Variants in SLC30A10 observed in about 807,000 individuals in gnomAD.
SLC30A10 encodes the protein solute carrier family 30 member 10.
A neutral mutation model predicts 21.7 loss-of-function variants in SLC30A10; 8 were observed. The ratio of observed to expected loss-of-function variants is 0.37; its 90% CI spans 0.22 to 0.67. The LOEUF is 0.67. Among genes scored for constraint, SLC30A10 ranks in the 30% least tolerant of loss-of-function variants. The pLI, the probability that SLC30A10 is intolerant of heterozygous loss-of-function variation, is 0.58. For missense variants in SLC30A10, 521 were observed against 642.5 expected, an observed-to-expected ratio of 0.81 and a Z score of 2.04; for synonymous variants, 272 against 279.4, an observed-to-expected ratio of 0.97 and a Z score of 0.26.
At position 219,918,377 on chromosome 1, in the gene SLC30A10, A is replaced by AT. The variant is rs1659596631; in HGVS notation, c.835dup (p.Ile279AsnfsTer2). Reference sequence around the variant, plus strand: ...CATGAGGACAGTCAGGCTGGGGTCAATGTAACACTGCCAGTTACACGGGTC... The same window carrying AT: ...CATGAGGACAGTCAGGCTGGGGTCAATTGTAACACTGCCAGTTACACGGGTC... On this transcript the variant is annotated frameshift_variant, in exon 3 of 4. Coordinates refer to ENST00000366926, the MANE Select transcript of SLC30A10 (RefSeq NM_018713.3). LOFTEE classifies it high-confidence loss of function. The surrounding 1 kb of genome is among the most constrained non-coding windows in gnomAD (Gnocchi z 4.4). The AT allele has an allele frequency of 6.2e-7, 1 of 1,614,040 alleles. No homozygotes were observed. The highest frequency in any genetic ancestry group is 1.3e-5 in the African/African-American group (1 of 74,920).
intron 2 of SLC30A10, among the ~76,000 whole-genome samples, chr1:219,922,170 G>GTC (rs1659701993): frequency 1.0e-4 from 3 of 29,268 alleles, no homozygotes; most frequent in Non-Finnish European, 1.1e-4. Flanking sequence ...GTGTGTGTGT[G>GTC]TGTGTGTTTT....
At chr1:219,929,992 G>A (rs1167470162), upstream of SLC30A10, among the ~76,000 whole-genome samples, 2 of 152,100 alleles carry the variant, frequency 1.3e-5, no homozygotes, top group Non-Finnish European at 2.9e-5. Context: ...TTTCTTTGTT[G>A]GTTTCTTTTG....
chr1:219,911,010 A>T lies in SLC30A10; in HGVS notation c.*4439T>A, dbSNP rs1192941003. Among the ~76,000 whole-genome samples the T allele has an allele frequency of 6.6e-6, 1 of 152,164 alleles. No homozygotes were observed. The highest frequency in any genetic ancestry group is 2.4e-5 in the African/African-American group (1 of 41,446). ...CCTCATTTCTACCTGTGGCTACTCA[A>T]GGGTAAATAAACTAAGAAGCACAAA... On this transcript the variant is annotated 3_prime_UTR_variant, in exon 4 of 4. Transcript: ENST00000366926.
Position 219,912,406 on chromosome 1 carries a change from C to CA in SLC30A10, c.*3042dup, listed in dbSNP as rs1659434356. 6.6e-6 allele frequency among the ~76,000 whole-genome samples: 1 copy of CA among 151,954 alleles called. No individual in the cohort carries two copies. Among genetic ancestry groups the CA allele is most frequent in the South Asian group, 2.1e-4 (1 of 4,818 alleles). ...TGAAACAGACAGTATTTCCTATGGC[C>CA]AATGCTAAAATAATGTGGAAAGGAC... is the stretch of plus-strand genomic sequence containing the variant. On this transcript the variant is annotated 3_prime_UTR_variant, in exon 4 of 4. Transcript: ENST00000366926.
In SLC30A10 at chr1:219,911,603, CT is replaced by C. The variant is rs1659416520; in HGVS notation, c.*3845del. On this transcript the variant is annotated 3_prime_UTR_variant, in exon 4 of 4. Coordinates refer to ENST00000366926, the MANE Select transcript of SLC30A10 (RefSeq NM_018713.3). ...ATGAGTATAAAGGGATTTATAAGGG[CT>C]TTTCATTTCAAATTACATTTTTCTT... Among the ~76,000 whole-genome samples the C allele has an allele frequency of 6.6e-6, 1 of 151,996 alleles. No homozygotes were observed. The highest frequency in any genetic ancestry group is 1.5e-5 in the Non-Finnish European group (1 of 68,004).
intron 3 of SLC30A10, among the ~76,000 whole-genome samples, chr1:219,917,220 G>A (rs1415185895): frequency 6.6e-6 from 1 of 151,798 alleles, no homozygotes; most frequent in Non-Finnish European, 1.5e-5. Flanking sequence ...TGAACTCCTG[G>A]CCTTATGCAA....
intron 1 of SLC30A10, among the ~76,000 whole-genome samples, chr1:219,950,061 A>G (rs1459671232): frequency 1.3e-5 from 2 of 152,242 alleles, no homozygotes; most frequent in Non-Finnish European, 2.9e-5. Context: ...TCAAGAGGCA[A>G]ACTATCTGTT....
intron 3 of SLC30A10, among the ~76,000 whole-genome samples, chr1:219,916,296 CA>C (rs569564922): frequency 1.3e-5 from 2 of 151,454 alleles, no homozygotes; most frequent in Non-Finnish European, 2.9e-5. Flanking sequence ...CAACATGGAT[CA>C]AAAAAAACCT....
chr1:219,919,490 G>A (rs1333420274), intron 2 of SLC30A10, among the ~76,000 whole-genome samples: 1 of 151,940 alleles, frequency 6.6e-6, no homozygotes, highest in Non-Finnish European at 1.5e-5. Context: ...AGATGCCCAG[G>A]TGAGTCTGGG....
chr1:219,918,125 T>A lies in SLC30A10; in HGVS notation c.958+130A>T. On this transcript the variant is annotated intron_variant, in intron 3 of 3. Coordinates refer to ENST00000366926, the MANE Select transcript of SLC30A10 (RefSeq NM_018713.3). The surrounding 1 kb of genome is among the most constrained non-coding windows in gnomAD (Gnocchi z 4.4). ...ATAGGCTATAAAACATATGATGACA[T>A]CTCTACCACCTGGTGATTTAAGGTG... is the stretch of plus-strand genomic sequence containing the variant. 1.6e-6 allele frequency: 2 copies of A among 1,224,790 alleles called. No homozygotes were observed. The highest frequency in any genetic ancestry group is 2.3e-5 in the East Asian group (1 of 42,664). 75.9% of individuals were successfully genotyped at this position (1,224,790 alleles called of 1,614,324 possible).
At chr1:219,925,897 G>C (rs1659812905) in intron 2 of SLC30A10, among the ~76,000 whole-genome samples, 1 of 151,524 alleles carries the variant, frequency 6.6e-6, no homozygotes, top group Non-Finnish European at 1.5e-5. Flanking sequence ...CCGACCTCAG[G>C]TGATCTGCCC....
chr1:219,924,683 G>A (rs1659773346), intron 2 of SLC30A10, among the ~76,000 whole-genome samples: 1 of 152,152 alleles, frequency 6.6e-6, no homozygotes, highest in African/African-American at 2.4e-5. Context: ...AACGATAATT[G>A]TATCCACTCA....
At position 219,918,505 on chromosome 1, in the gene SLC30A10, GA is replaced by G; in HGVS notation, c.719-12del. On this transcript the variant is annotated splice_polypyrimidine_tract_variant and intron_variant, in intron 2 of 3. Coordinates refer to ENST00000366926, the MANE Select transcript of SLC30A10 (RefSeq NM_018713.3). The surrounding 1 kb of genome is among the most constrained non-coding windows in gnomAD (Gnocchi z 4.4). ...CATGCAAAAGTACACCTGCCAGGAA[GA>G]AAGACTACTGCAGCACAGATGCAAA... is the stretch of plus-strand genomic sequence containing the variant. The G allele has an allele frequency of 1.3e-6, 2 of 1,585,298 alleles. No individual in the cohort carries two copies.
At chr1:219,946,581 G>C (rs1440403269) in intron 1 of SLC30A10, among the ~76,000 whole-genome samples, 1 of 152,074 alleles carries the variant, frequency 6.6e-6, no homozygotes. Context: ...TCACTCTGAG[G>C]GTGGAAGGGT....
intron 1 of SLC30A10, among the ~76,000 whole-genome samples, chr1:219,953,143 T>C (rs1433043893): frequency 1.3e-5 from 2 of 152,224 alleles, no homozygotes; most frequent in East Asian, 1.9e-4. Context: ...CTGTCAGATA[T>C]AGACAAAATG....
intron 3 of SLC30A10, among the ~76,000 whole-genome samples, chr1:219,917,743 C>T (rs11118456): frequency 0.34 from 44,742 of 131,686 alleles, 7,639 homozygotes; most frequent in East Asian, 0.4. Flanking sequence ...CAGAGTCTCA[C>T]TCTGTCACCC....
chr1:219,928,345 G>T lies in SLC30A10; in HGVS notation c.96C>A (p.Gly32=), dbSNP rs138123249. The T allele has an allele frequency of 9.4e-5, 151 of 1,613,086 alleles. No homozygotes were observed. The highest frequency in any genetic ancestry group is 1.2e-4 in the Non-Finnish European group (147 of 1,179,740). The change falls in exon 1 of 4, where the codon GGC becomes GGA. Residue 32 remains glycine (G), a synonymous_variant. Transcript: ENST00000366926. This position sits in a 1 kb window ranked among gnomAD's most constrained non-coding sequence, Gnocchi z 6.3. ...FVAELVSGYL[G]NSIALLSDSF... Reference sequence around the variant, plus strand: ...AGTCGGAGAGCAGCGCGATGGAGTTGCCCAGGTAGCCGGAGACCAGCTCCG... The same window carrying T: ...AGTCGGAGAGCAGCGCGATGGAGTTTCCCAGGTAGCCGGAGACCAGCTCCG...
intron 3 of SLC30A10, among the ~76,000 whole-genome samples, chr1:219,917,686 A>T (rs1659575385): frequency 2.1e-5 from 3 of 144,062 alleles, no homozygotes; most frequent in Admixed American, 1.4e-4. Context: ...CAAGCATTGC[A>T]TTCTTTTCTT....
intron 2 of SLC30A10, among the ~76,000 whole-genome samples, chr1:219,925,650 TA>T (rs1477711547): frequency 0.02 from 1,183 of 58,044 alleles, 46 homozygotes; most frequent in African/African-American, 0.08. Context: ...TATATATATA[TA>T]TTTTTTTTTT....
Sources: gnomAD v4.1 joint callset for allele counts (sites outside exome capture counted in the v4.1 genomes callset) on GRCh38, gnomAD v4.1.1 for gene constraint, Gnocchi (gnomAD v3.1) non-coding constraint, MANE v1.5 for transcripts, NCBI Gene and HGNC (gene_info 2026-07-23, HGNC 2026-07-21) for gene names.